FRY: variants seen among roughly 807,000 people sequenced by gnomAD.
The protein encoded by FRY is protein furry homolog.
Under a neutral mutation model 348.4 loss-of-function variants are expected in FRY, and 128 were observed. The observed-to-expected ratio is 0.37, with a 90% CI of 0.32 to 0.43. The LOEUF is 0.43. FRY is among the 20% of genes least tolerant of loss of function. The pLI, the probability that FRY is intolerant of heterozygous loss-of-function variation, is 1.00. For synonymous variants in FRY, 1,370 were observed against 1,374.7 expected, an observed-to-expected ratio of 1.00 and a Z score of 0.08; for missense variants, 2,736 against 3,695.2, an observed-to-expected ratio of 0.74 and a Z score of 6.73.
At chr13:32,217,198 C>A (rs1408203353) in intron 35 of FRY, among the ~76,000 whole-genome samples, 1 of 152,122 alleles carries the variant, frequency 6.6e-6, no homozygotes, top group African/African-American at 2.4e-5. Context: ...AGGGACACAC[C>A]TATTTTGGCT....
In FRY at chr13:32,048,351, C is replaced by A. The variant is rs114386660; in HGVS notation, c.70+16486C>A. Among the ~76,000 whole-genome samples the A allele has an allele frequency of 4.1e-3, 625 of 152,252 alleles. 8 individuals carry two copies. Among genetic ancestry groups the A allele is most frequent in the African/African-American group, 0.014 (598 of 41,544 alleles). ...GCTCTGAAGTCTCTTTCCTCTGTAA[C>A]CCTCACCTGTTGTTTTGTTTGAGTG... On this transcript the variant is annotated intron_variant, in intron 1 of 60. Transcript: ENST00000542859.
At chr13:32,240,428 G>A (rs144123413) in intron 46 of FRY, among the ~76,000 whole-genome samples, 1 of 152,168 alleles carries the variant, frequency 6.6e-6, no homozygotes, top group Non-Finnish European at 1.5e-5. Context: ...TATGTTTAAT[G>A]GTTGTTTGAT....
At chr13:32,274,062 C>T (rs1451297645) in intron 55 of FRY, among the ~76,000 whole-genome samples, 1 of 152,194 alleles carries the variant, frequency 6.6e-6, no homozygotes, top group Admixed American at 6.5e-5. Flanking sequence ...AAGGGATACT[C>T]AACCTGCACA....
rs372239297 is a variant in FRY at position 32,055,723 on chromosome 13, G to A, written c.71-23111G>A. On this transcript the variant is annotated intron_variant, in intron 1 of 60. Coordinates refer to ENST00000542859, the MANE Select transcript of FRY (RefSeq NM_023037.3). ...GAGGGCAACAGAAAGATCAAATGAG[G>A]AATTACACATATAGAACTGGGGGTA... 4.7e-3 allele frequency among the ~76,000 whole-genome samples: 716 copies of A among 152,252 alleles called. 3 individuals are homozygous for A. The highest frequency in any genetic ancestry group is 0.022 in the South Asian group (106 of 4,822).
At position 32,230,877 on chromosome 13, in the gene FRY, T is replaced by C. The variant is rs1161426727; in HGVS notation, c.5406-302T>C. On this transcript the variant is annotated intron_variant, in intron 40 of 60. Transcript: ENST00000542859. ...TGACTGGTGTGAGATGGTATCTCAC[T>C]GTGGTTTTGATTTGCATTTCTCTAA... Among the ~76,000 whole-genome samples, 10 of 152,354 alleles carry C rather than the reference T, an allele frequency of 6.6e-5. No homozygotes were observed. The East Asian group carries it at 1.9e-3, about 29-fold the overall frequency.
chr13:32,063,581 G>A (rs1593573097), intron 1 of FRY, among the ~76,000 whole-genome samples: 1 of 152,276 alleles, frequency 6.6e-6, no homozygotes, highest in East Asian at 1.9e-4. Context: ...TGTGCAGGAT[G>A]CCACCAATCT....
At chr13:32,155,970 T>C (rs1158541150) in intron 15 of FRY, among the ~76,000 whole-genome samples, 1 of 152,212 alleles carries the variant, frequency 6.6e-6, no homozygotes, top group African/African-American at 2.4e-5. Flanking sequence ...CTTTGCTAAA[T>C]AATCCTGTTC....
At chr13:32,159,292 G>C (rs1881309567) in intron 16 of FRY, among the ~76,000 whole-genome samples, 1 of 151,956 alleles carries the variant, frequency 6.6e-6, no homozygotes, top group African/African-American at 2.4e-5. Flanking sequence ...TAAGCATTTA[G>C]GAGAAGAGGG....
At chr13:32,262,082 C>G (rs1887678446) in intron 52 of FRY, among the ~76,000 whole-genome samples, 1 of 152,146 alleles carries the variant, frequency 6.6e-6, no homozygotes, top group South Asian at 2.1e-4. Flanking sequence ...TTTTATGATT[C>G]TGGAATCTTT....
chr13:32,222,306 A>T (rs1885359397), intron 36 of FRY, among the ~76,000 whole-genome samples: 1 of 152,022 alleles, frequency 6.6e-6, no homozygotes, highest in Non-Finnish European at 1.5e-5. Context: ...AGGAACATGG[A>T]GGGGGAAGAC....
intron 1 of FRY, among the ~76,000 whole-genome samples, chr13:32,047,920 G>T (rs1016525850): frequency 6.6e-6 from 1 of 151,856 alleles, no homozygotes; most frequent in Non-Finnish European, 1.5e-5. Flanking sequence ...AACCTGAAGC[G>T]TGAGCTTTTT....
Position 32,209,483 on chromosome 13 carries a change from T to A in FRY, c.4276-102T>A, listed in dbSNP as rs753855740. The stretch of plus-strand genomic sequence containing the variant: ...AAATGGTCATGTTTACCCCTTCTTA[T>A]GATTTTGAGACGGTCATGACCCTCA... On this transcript the variant is annotated intron_variant, in intron 32 of 60. Coordinates refer to ENST00000542859, the MANE Select transcript of FRY (RefSeq NM_023037.3). 1.5e-5 allele frequency: 17 copies of A among 1,110,758 alleles called. No individual in the cohort carries two copies. In the East Asian group the frequency reaches 4.0e-4, roughly 26 times the overall value. The allele number at this position is 1,110,758 out of a possible 1,614,324, so 68.8% of individuals were successfully genotyped here.
At chr13:32,206,796 T>A (rs1275052246) in intron 31 of FRY, among the ~76,000 whole-genome samples, 1 of 152,174 alleles carries the variant, frequency 6.6e-6, no homozygotes, top group Non-Finnish European at 1.5e-5. Context: ...TTATAATAGA[T>A]TCCAAACACT....
Position 32,081,199 on chromosome 13 carries a change from T to A in FRY, c.270+2166T>A, listed in dbSNP as rs528946489. On this transcript the variant is annotated intron_variant, in intron 2 of 60. Transcript: ENST00000542859. ...CCCAAACAAGAAAAAAATTTTTAAG[T>A]GTAAGTTCTTGTCATAAGGAAATCT... Among the ~76,000 whole-genome samples, 3 of 152,252 alleles carry A rather than the reference T, an allele frequency of 2.0e-5. No individual in the cohort carries two copies. In the East Asian group the frequency reaches 5.8e-4, roughly 29 times the overall value.
intron 35 of FRY, among the ~76,000 whole-genome samples, chr13:32,218,519 A>AAATAC (rs1885127314): frequency 6.6e-6 from 1 of 152,016 alleles, no homozygotes; most frequent in Non-Finnish European, 1.5e-5. Context: ...TCTCTACTAA[A>AAATAC]AATACAAAAA....
Position 32,261,789 on chromosome 13 carries a change from C to T in FRY, c.7590C>T (p.Ala2530=). The change falls in exon 52 of 61, where the codon GCC becomes GCT. Residue 2530 remains alanine, a synonymous_variant. Coordinates refer to ENST00000542859, the MANE Select transcript of FRY (RefSeq NM_023037.3). ...DESSEEEDLT[A]SQILEHSDLI... Reference sequence around the variant, plus strand: ...CATCCGAGGAGGAGGACCTCACAGCCAGCCAGATCCTGGAGCACTCAGACC... The same window carrying T: ...CATCCGAGGAGGAGGACCTCACAGCTAGCCAGATCCTGGAGCACTCAGACC... 6.2e-7 allele frequency: 1 copy of T among 1,614,172 alleles called. No individual in the cohort carries two copies. The highest frequency in any genetic ancestry group is 1.7e-5 in the Admixed American group (1 of 60,018).
intron 32 of FRY, among the ~76,000 whole-genome samples, 196 bp downstream of exon 32, chr13:32,209,305 A>T (rs992381560): frequency 6.6e-6 from 1 of 152,180 alleles, no homozygotes; most frequent in African/African-American, 2.4e-5. Flanking sequence ...GTGATGGTAA[A>T]CTTTATGTTA....
At chr13:32,246,000 G>A (rs1325559562) in intron 47 of FRY, among the ~76,000 whole-genome samples, 2 of 152,086 alleles carry the variant, frequency 1.3e-5, no homozygotes, top group Admixed American at 1.3e-4. Flanking sequence ...TTCAAGTGGC[G>A]TTGCTGCATC....
intron 11 of FRY, among the ~76,000 whole-genome samples, chr13:32,137,533 C>G (rs7139874): frequency 0.023 from 3,563 of 152,364 alleles, 58 homozygotes; most frequent in Non-Finnish European, 0.035. Context: ...ACATGGCAGT[C>G]AGTCCTAAGC....
Sources: allele counts gnomAD v4.1 joint callset (sites outside exome capture counted in the v4.1 genomes callset), GRCh38; gene constraint gnomAD v4.1.1; transcripts MANE v1.5; gene names NCBI Gene and HGNC (gene_info 2026-07-23, HGNC 2026-07-21).